Variants in NSMCE2 observed in about 807,000 individuals in gnomAD.
NSMCE2 encodes the protein E3 SUMO-protein ligase NSE2.
In NSMCE2, 24 loss-of-function variants were observed where a neutral mutation model predicts 23.8. The observed-to-expected ratio is 1.01, with a 90% CI of 0.73 to 1.42. The LOEUF (loss-of-function observed/expected upper bound fraction) is 1.42, where lower values mean the gene tolerates loss of function less well. NSMCE2 is among the 40% of genes most tolerant of loss of function. NSMCE2 has a pLI of 0.00. For missense variants in NSMCE2, 284 were observed against 296.5 expected (o/e 0.96, Z 0.31); for synonymous variants, 92 against 94.1 (o/e 0.98, Z 0.13).
intron 5 of NSMCE2, among the ~76,000 whole-genome samples, chr8:125,256,351 A>G (rs1826414153): frequency 6.6e-6 from 1 of 151,950 alleles, no homozygotes. Context: ...TCAGATTTCT[A>G]AGTTAGGTGA....
chr8:125,258,156 G>A (rs1324125293), intron 5 of NSMCE2, among the ~76,000 whole-genome samples: 1 of 152,190 alleles, frequency 6.6e-6, no homozygotes, highest in East Asian at 1.9e-4. Context: ...TTTTATAAGA[G>A]TAGGGCAGGA....
chr8:125,154,974 T>A (rs948905820), intron 4 of NSMCE2, among the ~76,000 whole-genome samples: 18 of 152,232 alleles, frequency 1.2e-4, no homozygotes, highest in Admixed American at 6.5e-5. Context: ...AATAAATTTA[T>A]GAACATTTGA....
intron 3 of NSMCE2, among the ~76,000 whole-genome samples, chr8:125,147,527 G>A (rs1487040229): frequency 3.3e-5 from 5 of 152,168 alleles, no homozygotes; most frequent in Non-Finnish European, 5.9e-5. Flanking sequence ...GGCAAATTAG[G>A]TGAAGAAGGA....
chr8:125,281,654 G>A (rs1827700420), intron 5 of NSMCE2, among the ~76,000 whole-genome samples: 1 of 151,998 alleles, frequency 6.6e-6, no homozygotes. Flanking sequence ...TGGCCAAGCT[G>A]GTCTCGAACT....
At chr8:125,174,281 A>C (rs1469328084) in intron 4 of NSMCE2, among the ~76,000 whole-genome samples, 1 of 152,190 alleles carries the variant, frequency 6.6e-6, no homozygotes, top group Non-Finnish European at 1.5e-5. Context: ...AAGGCCTAGC[A>C]TGGTTCCCAC....
chr8:125,136,087 T>G (rs1210427553), intron 3 of NSMCE2, among the ~76,000 whole-genome samples: 2 of 152,214 alleles, frequency 1.3e-5, no homozygotes, highest in Non-Finnish European at 2.9e-5. Context: ...CAGTATCTTA[T>G]AAACCTTTTT....
In NSMCE2 at chr8:125,168,476, A is replaced by C. The variant is rs1286712076; in HGVS notation, c.265-13627A>C. Reference sequence around the variant, plus strand: ...AACCAGTAGCTTATGAACAACAGACATGTATTTCTCACAGTTCTGGAGTCT... The same window carrying C: ...AACCAGTAGCTTATGAACAACAGACCTGTATTTCTCACAGTTCTGGAGTCT... On this transcript the variant is annotated intron_variant, in intron 4 of 7. Coordinates refer to ENST00000287437, the MANE Select transcript of NSMCE2 (RefSeq NM_173685.4). 1.1e-4 allele frequency among the ~76,000 whole-genome samples: 17 copies of C among 152,356 alleles called. No individual in the cohort carries two copies. In the East Asian group the frequency reaches 3.3e-3, roughly 29 times the overall value.
intron 5 of NSMCE2, among the ~76,000 whole-genome samples, chr8:125,234,592 G>A (rs1294830595): frequency 1.3e-5 from 2 of 152,002 alleles, no homozygotes; most frequent in Non-Finnish European, 2.9e-5. Flanking sequence ...CACATGTTTT[G>A]TCTCATTCTA....
intron 7 of NSMCE2, 117 bp downstream of exon 7, chr8:125,357,935 CG>C: frequency 1.4e-6 from 1 of 694,414 alleles, no homozygotes; most frequent in South Asian, 1.7e-5. Context: ...GTTCACCTCC[CG>C]AATACTGTAA....
intron 5 of NSMCE2, among the ~76,000 whole-genome samples, chr8:125,352,367 T>A (rs1236027033): frequency 6.6e-6 from 1 of 151,424 alleles, no homozygotes; most frequent in Non-Finnish European, 1.5e-5. Context: ...TCCCAGCTAC[T>A]CGGGAGGCTG....
rs562869261 is a variant in NSMCE2 at position 125,139,538 on chromosome 8, T to A, written c.158-11633T>A. ...ACAATCATGGCAGAAGGCAAAGGAG[T>A]AGCAGAGTCATGTCTTGCATGGTGT... On this transcript the variant is annotated intron_variant, in intron 3 of 7. Transcript: ENST00000287437. Among the ~76,000 whole-genome samples, 5 of 151,920 alleles carry A rather than the reference T, an allele frequency of 3.3e-5. No individual in the cohort carries two copies. The South Asian group carries it at 8.3e-4, about 25-fold the overall frequency.
At chr8:125,262,978 T>C (rs1271602967) in intron 5 of NSMCE2, among the ~76,000 whole-genome samples, 2 of 152,222 alleles carry the variant, frequency 1.3e-5, no homozygotes, top group Non-Finnish European at 2.9e-5. Flanking sequence ...GAACTAGATC[T>C]ATATGTTTAT....
chr8:125,279,038 G>A (rs1586710906), intron 5 of NSMCE2, among the ~76,000 whole-genome samples: 2 of 152,298 alleles, frequency 1.3e-5, no homozygotes, highest in Admixed American at 1.3e-4. Context: ...ACCACCACGA[G>A]GGGAAGTTTT....
chr8:125,339,769 G>A (rs1830173127), intron 5 of NSMCE2, among the ~76,000 whole-genome samples: 1 of 151,952 alleles, frequency 6.6e-6, no homozygotes, highest in Non-Finnish European at 1.5e-5. Context: ...GAGTTCCCGT[G>A]GCCCCCTGAG....
chr8:125,133,487 C>G (rs940757522), intron 3 of NSMCE2, among the ~76,000 whole-genome samples: 6 of 152,152 alleles, frequency 3.9e-5, no homozygotes, highest in Admixed American at 1.3e-4. Flanking sequence ...TGCCTGCAAT[C>G]CTGACACTTT....
chr8:125,254,684 G>A (rs143080185), intron 5 of NSMCE2, among the ~76,000 whole-genome samples: 201 of 151,590 alleles, frequency 1.3e-3, no homozygotes, highest in African/African-American at 4.7e-3. Flanking sequence ...AAGACTTTAA[G>A]CCTAATTTCC....
chr8:125,323,129 A>C (rs1829520814), intron 5 of NSMCE2, among the ~76,000 whole-genome samples: 1 of 152,238 alleles, frequency 6.6e-6, no homozygotes, highest in Non-Finnish European at 1.5e-5. Flanking sequence ...CTGTCTACTG[A>C]ATGCAAACTG....
chr8:125,188,177 A>G (rs1224874526), intron 5 of NSMCE2, among the ~76,000 whole-genome samples: 1 of 152,230 alleles, frequency 6.6e-6, no homozygotes, highest in Non-Finnish European at 1.5e-5. Flanking sequence ...GAAGGATACT[A>G]TTAAGTCTTC....
intron 5 of NSMCE2, among the ~76,000 whole-genome samples, chr8:125,328,438 G>A (rs1455284934): frequency 6.6e-6 from 1 of 152,194 alleles, no homozygotes; most frequent in Non-Finnish European, 1.5e-5. Flanking sequence ...AAATTGCTGA[G>A]CACCTCGAGG....
Sources: gnomAD v4.1 joint callset for allele counts (sites outside exome capture counted in the v4.1 genomes callset) on GRCh38, gnomAD v4.1.1 for gene constraint, MANE v1.5 for transcripts, NCBI Gene and HGNC (gene_info 2026-07-23, HGNC 2026-07-21) for gene names.